GTF2F2: variants seen among roughly 807,000 people sequenced by gnomAD.
GTF2F2 encodes the protein ATP-dependent helicase GTF2F2.
A neutral mutation model predicts 42.2 loss-of-function variants in GTF2F2; 23 were observed. The ratio of observed to expected loss-of-function variants is 0.55; its 90% CI spans 0.39 to 0.77. GTF2F2 has a LOEUF of 0.77. GTF2F2 is among the 30% of genes least tolerant of loss of function. The pLI is 0.00. For synonymous variants in GTF2F2, 105 were observed against 100.8 expected, an observed-to-expected ratio of 1.04 and a Z score of -0.25; for missense variants, 261 against 287.2, an observed-to-expected ratio of 0.91 and a Z score of 0.66.
intron 7 of GTF2F2, among the ~76,000 whole-genome samples, chr13:45,279,537 C>A (rs188564705): frequency 6.6e-6 from 1 of 152,172 alleles, no homozygotes; most frequent in East Asian, 1.9e-4. Flanking sequence ...CTCTTAGCTG[C>A]CTTGTTAGTC....
intron 4 of GTF2F2, among the ~76,000 whole-genome samples, chr13:45,203,714 G>A (rs968959520): frequency 1.3e-5 from 2 of 152,170 alleles, no homozygotes; most frequent in Non-Finnish European, 2.9e-5. Flanking sequence ...AGACGTGTGT[G>A]GGAGTACTAG....
At chr13:45,191,730 T>C (rs1872665494) in intron 4 of GTF2F2, among the ~76,000 whole-genome samples, 1 of 152,146 alleles carries the variant, frequency 6.6e-6, no homozygotes. Flanking sequence ...ATTACTAAAT[T>C]GTTTTAGAAC....
At chr13:45,276,904 C>G (rs1220375298) in intron 7 of GTF2F2, among the ~76,000 whole-genome samples, 1 of 152,144 alleles carries the variant, frequency 6.6e-6, no homozygotes, top group East Asian at 1.9e-4. Context: ...AATATTAACG[C>G]AATAATTGCT....
At chr13:45,228,945 C>G (rs1410807919) in intron 5 of GTF2F2, among the ~76,000 whole-genome samples, 1 of 152,164 alleles carries the variant, frequency 6.6e-6, no homozygotes, top group Non-Finnish European at 1.5e-5. Context: ...GTTGGGATTA[C>G]AGGCATGAGC....
At chr13:45,159,349 G>T (rs1245461360) in intron 4 of GTF2F2, among the ~76,000 whole-genome samples, 5 of 152,202 alleles carry the variant, frequency 3.3e-5, no homozygotes, top group Non-Finnish European at 7.3e-5. Context: ...GTCCTGTATG[G>T]TACTGTCCTG....
In GTF2F2 at chr13:45,283,470, T is replaced by C. The variant is rs755831527; in HGVS notation, c.659T>C (p.Ile220Thr). The C allele has an allele frequency of 3.7e-6, 6 of 1,612,128 alleles. No homozygotes were observed. The Admixed American group carries it at 6.7e-5, about 18-fold the overall frequency. The stretch of plus-strand genomic sequence containing the variant: ...TACCTGAAGGAAATCTTAAAAGAAA[T>C]TGGTGTTCAGAATGTAAAAGGGATC... ...VVYLKEILKE[I>T]GVQNVKGIHK... The change falls in exon 8 of 8, where the codon ATT (isoleucine) becomes ACT (threonine). Residue 220 changes from isoleucine to threonine, a missense_variant. Ile to Thr is a moderately conservative substitution (Grantham distance 89). Transcript: ENST00000340473.
chr13:45,272,337 A>G (rs1267995182), intron 7 of GTF2F2, among the ~76,000 whole-genome samples: 1 of 151,136 alleles, frequency 6.6e-6, no homozygotes, highest in East Asian at 1.9e-4. Context: ...TGATTCTAAT[A>G]GAAGGACCAA....
intron 4 of GTF2F2, among the ~76,000 whole-genome samples, chr13:45,190,965 G>T (rs1872593539): frequency 6.7e-6 from 1 of 150,250 alleles, no homozygotes. Flanking sequence ...AACTGAATAA[G>T]CTGATTCAGT....
chr13:45,258,133 A>G (rs1876177894), intron 6 of GTF2F2, among the ~76,000 whole-genome samples: 1 of 152,178 alleles, frequency 6.6e-6, no homozygotes, highest in African/African-American at 2.4e-5. Flanking sequence ...TGGCCCTTCC[A>G]AAAAGGAAAT....
At chr13:45,244,952 C>CG (rs1200416607) in intron 5 of GTF2F2, among the ~76,000 whole-genome samples, 1 of 152,164 alleles carries the variant, frequency 6.6e-6, no homozygotes, top group African/African-American at 2.4e-5. Flanking sequence ...CATGAGCCAC[C>CG]GTGCCCAGCT....
intron 5 of GTF2F2, among the ~76,000 whole-genome samples, chr13:45,235,175 T>C (rs966471473): frequency 5.9e-5 from 9 of 151,984 alleles, no homozygotes; most frequent in Non-Finnish European, 1.2e-4. Flanking sequence ...TTTGTCAATA[T>C]GGTAAACTTA....
At chr13:45,172,298 G>A (rs905701288) in intron 4 of GTF2F2, among the ~76,000 whole-genome samples, 31 of 152,148 alleles carry the variant, frequency 2.0e-4, no homozygotes, top group African/African-American at 6.8e-4. Flanking sequence ...GATGATTGAT[G>A]TTGAATATCT....
intron 4 of GTF2F2, among the ~76,000 whole-genome samples, chr13:45,188,658 T>C (rs913306665): frequency 6.6e-6 from 1 of 152,212 alleles, no homozygotes; most frequent in Non-Finnish European, 1.5e-5. Context: ...ATGTTGAAAT[T>C]TTAAAAAGTT....
chr13:45,271,165 C>G (rs1247807399), intron 7 of GTF2F2, among the ~76,000 whole-genome samples: 1 of 151,826 alleles, frequency 6.6e-6, no homozygotes, highest in African/African-American at 2.4e-5. Flanking sequence ...GGTGGCCAGC[C>G]CCTGTAGTCC....
intron 6 of GTF2F2, among the ~76,000 whole-genome samples, chr13:45,260,331 A>G (rs1876288414): frequency 6.6e-6 from 1 of 152,250 alleles, no homozygotes; most frequent in South Asian, 2.1e-4. Flanking sequence ...TAGTATAAGT[A>G]TACTACATGC....
rs769401795 is a variant in GTF2F2 at position 45,207,413 on chromosome 13, T to C, written c.305-11T>C. ...GTATTATCTCTGAATCCTTTTTTTTTTCCATTCAAGATAAGCTGTCATTGG... is the reference window on the plus strand; with the variant it reads ...GTATTATCTCTGAATCCTTTTTTTTCTCCATTCAAGATAAGCTGTCATTGG... On this transcript the variant is annotated splice_polypyrimidine_tract_variant and intron_variant, in intron 4 of 7. Transcript: ENST00000340473. 31 of 1,563,910 alleles carry C rather than the reference T, an allele frequency of 2.0e-5. No individual in the cohort carries two copies. The highest frequency in any genetic ancestry group is 2.6e-5 in the Non-Finnish European group (30 of 1,134,986).
chr13:45,120,707 G>A lies in GTF2F2; in HGVS notation c.52G>A (p.Val18Met), dbSNP rs1290851151. The A allele has an allele frequency of 1.3e-6, 2 of 1,558,238 alleles. No individual in the cohort carries two copies. The highest frequency in any genetic ancestry group is 1.7e-6 in the Non-Finnish European group (2 of 1,149,968). ...GACCGGCGCCAAACAGAACACAGGA[G>A]TGTGGCTAGTCAAGGTAATGTTCGC... ...DLTGAKQNTG[V>M]WLVKVPKYLS... is the part of the protein sequence containing the mutation. The change falls in exon 1 of 8, where the codon GTG becomes ATG. Residue 18 changes from valine to methionine, a missense_variant. Coordinates refer to ENST00000340473, the MANE Select transcript of GTF2F2 (RefSeq NM_004128.3).
intron 4 of GTF2F2, among the ~76,000 whole-genome samples, chr13:45,198,335 C>T (rs1258406773): frequency 6.6e-6 from 1 of 152,178 alleles, no homozygotes; most frequent in Non-Finnish European, 1.5e-5. Flanking sequence ...CATTTATATG[C>T]CAGAGATACT....
intron 5 of GTF2F2, among the ~76,000 whole-genome samples, chr13:45,249,300 T>C (rs1231981529): frequency 6.6e-6 from 1 of 152,234 alleles, no homozygotes; most frequent in Non-Finnish European, 1.5e-5. Context: ...TCATAAGTTG[T>C]CCTCTTTTAA....
Sources: allele counts gnomAD v4.1 joint callset (sites outside exome capture counted in the v4.1 genomes callset), GRCh38; gene constraint gnomAD v4.1.1; transcripts MANE v1.5; gene names NCBI Gene and HGNC (gene_info 2026-07-23, HGNC 2026-07-21).